IL1RAPL1: variants seen among roughly 807,000 people sequenced by gnomAD.
IL1RAPL1 encodes interleukin 1 receptor accessory protein like 1, also known as interleukin-1 receptor accessory protein-like 1.
In IL1RAPL1, 3 loss-of-function variants were observed where a neutral mutation model predicts 48.4. The ratio of observed to expected loss-of-function variants is 0.06; its 90% confidence interval spans 0.03 to 0.16. The LOEUF (loss-of-function observed/expected upper bound fraction) is 0.16, where lower values mean the gene tolerates loss of function less well. IL1RAPL1 is among the 10% of genes least tolerant of loss of function. IL1RAPL1 has a pLI of 1.00. For missense variants in IL1RAPL1, 349 were observed against 530.6 expected (o/e 0.66, Z 3.36); for synonymous variants, 185 against 187.7 (o/e 0.99, Z 0.12).
chrX:29,583,197 A>G (rs1331939572), intron 5 of IL1RAPL1, among the ~76,000 whole-genome samples: 1 of 82,341 alleles, frequency 1.2e-5, no homozygotes, highest in Non-Finnish European at 2.3e-5. Flanking sequence ...TATTCAACAT[A>G]GTGTTGGAAG....
chrX:29,896,022 A>G (rs181346055), intron 6 of IL1RAPL1, among the ~76,000 whole-genome samples: 110 of 112,061 alleles, frequency 9.8e-4, no homozygotes, highest in Non-Finnish European at 1.6e-3. Context: ...AAGCCAGCAG[A>G]GAAAGACTTC....
Position 28,983,121 on chromosome X carries a change from G to A in IL1RAPL1, c.82+193696G>A, listed in dbSNP as rs959609836. 2.7e-5 allele frequency among the ~76,000 whole-genome samples: 3 copies of A among 111,970 alleles called. No homozygotes were observed. In the South Asian group the frequency reaches 1.1e-3, roughly 41 times the overall value. On this transcript the variant is annotated intron_variant, in intron 2 of 10. Coordinates refer to ENST00000378993, the MANE Select transcript of IL1RAPL1 (RefSeq NM_014271.4). Reference sequence around the variant, plus strand: ...ACATATATATCATTTGGTCTAGATGGATCCTTGACTGTAATTTACTTTGCT... The same window carrying A: ...ACATATATATCATTTGGTCTAGATGAATCCTTGACTGTAATTTACTTTGCT...
chrX:29,831,912 T>A (rs1003504860), intron 6 of IL1RAPL1, among the ~76,000 whole-genome samples: 1 of 111,993 alleles, frequency 8.9e-6, no homozygotes, highest in Non-Finnish European at 1.9e-5. Context: ...TAACCTCTTA[T>A]GTATTTATGA....
chrX:28,726,270 C>T (rs1935675666), intron 1 of IL1RAPL1, among the ~76,000 whole-genome samples: 1 of 111,975 alleles, frequency 8.9e-6, no homozygotes, highest in Non-Finnish European at 1.9e-5. Flanking sequence ...TACCATTCTT[C>T]ACATATTGAT....
At chrX:29,506,334 A>G (rs1210723417) in intron 5 of IL1RAPL1, among the ~76,000 whole-genome samples, 1 of 111,267 alleles carries the variant, frequency 9.0e-6, no homozygotes, top group Non-Finnish European at 1.9e-5. Flanking sequence ...TCAGTTATTT[A>G]TTCCAGTGTT....
intron 6 of IL1RAPL1, among the ~76,000 whole-genome samples, chrX:29,864,825 C>T (rs1398659052): frequency 1.8e-5 from 2 of 111,876 alleles, no homozygotes; most frequent in Non-Finnish European, 3.8e-5. Flanking sequence ...CTAGCTTGTT[C>T]GTAAATGTCT....
At chrX:29,370,839 G>T (rs766189083) in intron 3 of IL1RAPL1, among the ~76,000 whole-genome samples, 1 of 109,872 alleles carries the variant, frequency 9.1e-6, no homozygotes, top group African/African-American at 3.3e-5. Flanking sequence ...CTATATTTTT[G>T]TATTTTCTTT....
chrX:28,807,773 G>T (rs1460361283), intron 2 of IL1RAPL1, among the ~76,000 whole-genome samples: 1 of 111,188 alleles, frequency 9.0e-6, no homozygotes, highest in Non-Finnish European at 1.9e-5. Flanking sequence ...TTAGTTTATA[G>T]TCTTTAATAA....
At chrX:28,929,387 C>T (rs1479670293) in intron 2 of IL1RAPL1, among the ~76,000 whole-genome samples, 1 of 111,375 alleles carries the variant, frequency 9.0e-6, no homozygotes, top group Non-Finnish European at 1.9e-5. Flanking sequence ...GTATTAGTAC[C>T]AGGTTGTGGC....
chrX:28,855,659 G>A (rs1364103470), intron 2 of IL1RAPL1, among the ~76,000 whole-genome samples: 2 of 110,956 alleles, frequency 1.8e-5, no homozygotes, highest in African/African-American at 6.5e-5. Context: ...GTCATTTCTA[G>A]TTGTTTCTAG....
At chrX:29,222,015 CA>C (rs761229753) in intron 2 of IL1RAPL1, among the ~76,000 whole-genome samples, 54 of 65,365 alleles carry the variant, frequency 8.3e-4, no homozygotes, top group Middle Eastern at 9.2e-3. Flanking sequence ...GAGATTCCGT[CA>C]AAAAAAAAAA....
rs990764579 is a variant in IL1RAPL1 at position 29,160,136 on chromosome X, C to T, written c.83-122802C>T. 4.5e-5 allele frequency among the ~76,000 whole-genome samples: 5 copies of T among 111,941 alleles called. No individual in the cohort carries two copies. In the South Asian group the frequency reaches 1.1e-3, roughly 25 times the overall value. The stretch of plus-strand genomic sequence containing the variant: ...TGCTTATTAATCTGGTATATGTGAA[C>T]TATGCAAATTATGTTTTCTATTTTA... On this transcript the variant is annotated intron_variant, in intron 2 of 10. Coordinates refer to ENST00000378993, the MANE Select transcript of IL1RAPL1 (RefSeq NM_014271.4).
chrX:29,726,320 G>T (rs183139197), intron 6 of IL1RAPL1, among the ~76,000 whole-genome samples: 1 of 112,225 alleles, frequency 8.9e-6, no homozygotes, highest in Non-Finnish European at 1.9e-5. Context: ...GTTAAATCCA[G>T]CTAATTAACA....
chrX:28,764,816 CAA>C (rs1491186562), intron 1 of IL1RAPL1, among the ~76,000 whole-genome samples: 152 of 102,513 alleles, frequency 1.5e-3, no homozygotes, highest in African/African-American at 4.0e-3. Context: ...CACATGCACG[CAA>C]ACACACACAC....
At chrX:29,086,871 T>C (rs1927963755) in intron 2 of IL1RAPL1, among the ~76,000 whole-genome samples, 1 of 112,031 alleles carries the variant, frequency 8.9e-6, no homozygotes, top group Admixed American at 9.5e-5. Flanking sequence ...TTTGAAAATT[T>C]ATTCTGACTT....
At position 29,521,659 on chromosome X, in the gene IL1RAPL1, G is replaced by A. The variant is rs1211881395; in HGVS notation, c.703+122351G>A. ...GCTCAGCTCTAACTTGCTCTCTTTT[G>A]TATATGATGCGGTAATCCTGGCTCT... On this transcript the variant is annotated intron_variant, in intron 5 of 10. Transcript: ENST00000378993. 9.9e-5 allele frequency among the ~76,000 whole-genome samples: 11 copies of A among 111,659 alleles called. No homozygotes were observed. In the Admixed American group the frequency reaches 1.0e-3, roughly 11 times the overall value.
At chrX:29,817,969 C>A (rs1930532330) in intron 6 of IL1RAPL1, among the ~76,000 whole-genome samples, 1 of 111,495 alleles carries the variant, frequency 9.0e-6, no homozygotes, top group Non-Finnish European at 1.9e-5. Flanking sequence ...CCCTGTAGTC[C>A]AAGATGACTT....
intron 2 of IL1RAPL1, among the ~76,000 whole-genome samples, chrX:28,853,328 A>T (rs1284146975): frequency 9.0e-5 from 10 of 111,488 alleles, no homozygotes; most frequent in Non-Finnish European, 1.3e-4. Flanking sequence ...TTTGAAAACG[A>T]CCTTTTCCAA....
intron 6 of IL1RAPL1, among the ~76,000 whole-genome samples, chrX:29,800,003 G>C (rs1321158102): frequency 9.0e-6 from 1 of 111,534 alleles, no homozygotes; most frequent in Non-Finnish European, 1.9e-5. Flanking sequence ...ATGTTTTGTA[G>C]GCCGTATCCT....
Sources: allele counts gnomAD v4.1 joint callset (sites outside exome capture counted in the v4.1 genomes callset), GRCh38; gene constraint gnomAD v4.1.1; transcripts MANE v1.5; gene names NCBI Gene and HGNC (gene_info 2026-07-23, HGNC 2026-07-21).